Variants in SLC39A11 observed in about 807,000 individuals in gnomAD.
The protein encoded by SLC39A11 is zinc transporter ZIP11.
SLC39A11 carries 33 observed loss-of-function variants against 36.1 expected under a neutral mutation model. The observed-to-expected ratio is 0.91, with a 90% confidence interval of 0.69 to 1.22. SLC39A11 has a LOEUF of 1.22. SLC39A11 is among the 50% of genes most tolerant of loss of function. The pLI is 0.00. For missense variants in SLC39A11, 432 were observed against 430.3 expected (o/e 1.00, Z -0.03); for synonymous variants, 166 against 170.3 (o/e 0.97, Z 0.20).
At chr17:72,719,650 A>G (rs1469920914) in intron 7 of SLC39A11, among the ~76,000 whole-genome samples, 1 of 152,208 alleles carries the variant, frequency 6.6e-6, no homozygotes, top group Non-Finnish European at 1.5e-5. Flanking sequence ...CGTCATCTCC[A>G]GTGCCCGGGA....
At chr17:72,908,298 T>C (rs533551968) in intron 5 of SLC39A11, among the ~76,000 whole-genome samples, 1 of 152,324 alleles carries the variant, frequency 6.6e-6, no homozygotes, top group East Asian at 1.9e-4. Context: ...ATAAAGAATA[T>C]TTTATCAGTA....
chr17:72,716,549 C>G (rs1195895255), intron 7 of SLC39A11, among the ~76,000 whole-genome samples: 2 of 149,232 alleles, frequency 1.3e-5, no homozygotes, highest in African/African-American at 5.1e-5. Flanking sequence ...TTGGTCCAGA[C>G]TGAACTGAGA....
intron 6 of SLC39A11, among the ~76,000 whole-genome samples, chr17:72,847,255 T>C (rs901474569): frequency 3.3e-5 from 5 of 151,946 alleles, no homozygotes; most frequent in African/African-American, 1.2e-4. Context: ...ATACAAAAAT[T>C]AGCTGGGCAT....
chr17:72,896,855 C>A (rs1598321611), intron 5 of SLC39A11, among the ~76,000 whole-genome samples: 1 of 151,780 alleles, frequency 6.6e-6, no homozygotes, highest in East Asian at 1.9e-4. Flanking sequence ...GAGTTCAAGA[C>A]CAGCCTGACC....
chr17:72,847,238 T>A (rs970330604), intron 6 of SLC39A11, among the ~76,000 whole-genome samples: 3 of 151,816 alleles, frequency 2.0e-5, no homozygotes, highest in Non-Finnish European at 4.4e-5. Context: ...CCCCGTCTCT[T>A]CGAAAAATAC....
chr17:72,991,599 T>TCCAC (rs1555669379), intron 4 of SLC39A11, among the ~76,000 whole-genome samples: 267 of 150,746 alleles, frequency 1.8e-3, no homozygotes, highest in African/African-American at 6.3e-3. Flanking sequence ...TCTCAGATAA[T>TCCAC]CCCCCCGCCT....
intron 5 of SLC39A11, among the ~76,000 whole-genome samples, chr17:72,872,412 C>G (rs2080681059): frequency 6.6e-6 from 1 of 152,114 alleles, no homozygotes. Flanking sequence ...ACGGGTACAA[C>G]CCACCCAACT....
chr17:72,724,437 T>C (rs2073839000), intron 7 of SLC39A11, among the ~76,000 whole-genome samples: 1 of 151,688 alleles, frequency 6.6e-6, no homozygotes, highest in Non-Finnish European at 1.5e-5. Context: ...AGAAAAAACA[T>C]CAAGAAAGCG....
chr17:73,039,298 G>A (rs770294634), intron 3 of SLC39A11, among the ~76,000 whole-genome samples: 4 of 151,890 alleles, frequency 2.6e-5, no homozygotes, highest in Non-Finnish European at 4.4e-5. Flanking sequence ...CCCATCTTGC[G>A]CTATACCCCA....
chr17:72,695,953 C>A (rs2072275478), intron 7 of SLC39A11, among the ~76,000 whole-genome samples: 1 of 152,206 alleles, frequency 6.6e-6, no homozygotes, highest in African/African-American at 2.4e-5. Context: ...TCAACTTCTG[C>A]TGTTCTAAGC....
intron 7 of SLC39A11, among the ~76,000 whole-genome samples, chr17:72,714,949 C>G (rs1437262467): frequency 6.6e-6 from 1 of 152,198 alleles, no homozygotes; most frequent in Non-Finnish European, 1.5e-5. Flanking sequence ...GATCTTTACA[C>G]GTACATATTC....
chr17:72,887,176 G>A (rs772578691), intron 5 of SLC39A11, among the ~76,000 whole-genome samples: 3 of 152,148 alleles, frequency 2.0e-5, no homozygotes, highest in Non-Finnish European at 4.4e-5. Flanking sequence ...AGGATAGCAC[G>A]AATCACACAC....
At chr17:72,715,702 T>C (rs2073331051) in intron 7 of SLC39A11, among the ~76,000 whole-genome samples, 1 of 152,074 alleles carries the variant, frequency 6.6e-6, no homozygotes, top group Admixed American at 6.6e-5. Flanking sequence ...CCATGTACCA[T>C]CTTTTTTTAT....
At chr17:72,680,940 G>GCC (rs2071485517) in intron 7 of SLC39A11, among the ~76,000 whole-genome samples, 1 of 152,054 alleles carries the variant, frequency 6.6e-6, no homozygotes, top group African/African-American at 2.4e-5. Flanking sequence ...CACGTTTTCG[G>GCC]TTTCTTTGTT....
intron 7 of SLC39A11, among the ~76,000 whole-genome samples, chr17:72,736,043 T>C (rs1403276300): frequency 2.0e-5 from 3 of 152,146 alleles, no homozygotes; most frequent in African/African-American, 7.2e-5. Context: ...TAGGAACATA[T>C]TCAGGACAAA....
At chr17:72,928,863 C>T (rs2084214782) in intron 5 of SLC39A11, among the ~76,000 whole-genome samples, 1 of 152,242 alleles carries the variant, frequency 6.6e-6, no homozygotes, top group Non-Finnish European at 1.5e-5. Context: ...ATTCATTTCA[C>T]TCAGTCAACA....
intron 4 of SLC39A11, among the ~76,000 whole-genome samples, chr17:72,948,485 G>A (rs551469048): frequency 6.6e-6 from 1 of 152,338 alleles, no homozygotes; most frequent in African/African-American, 2.4e-5. Flanking sequence ...TCACGTGAAT[G>A]GCAGTCTCAG....
At chr17:72,790,560 C>T (rs2076668329) in intron 6 of SLC39A11, among the ~76,000 whole-genome samples, 1 of 151,404 alleles carries the variant, frequency 6.6e-6, no homozygotes, top group Non-Finnish European at 1.5e-5. Flanking sequence ...GAGACAGAGC[C>T]TTGCTTTGTC....
chr17:72,679,225 T>C (rs989436087), intron 7 of SLC39A11, among the ~76,000 whole-genome samples: 1 of 152,152 alleles, frequency 6.6e-6, no homozygotes, highest in Non-Finnish European at 1.5e-5. Context: ...AGGGAAATTA[T>C]AGTTAACAGT....
Sources: allele counts gnomAD v4.1 joint callset (sites outside exome capture counted in the v4.1 genomes callset), GRCh38; gene constraint gnomAD v4.1.1; transcripts MANE v1.5; gene names NCBI Gene and HGNC (gene_info 2026-07-23, HGNC 2026-07-21).